FAM169A: variants seen among roughly 807,000 people sequenced by gnomAD.
FAM169A encodes the protein family with sequence similarity 169 member A, also known as soluble lamin-associated protein of 75 kDa.
Under a neutral mutation model 75.7 loss-of-function variants are expected in FAM169A, and 24 were observed. The ratio of observed to expected loss-of-function variants is 0.32; its 90% confidence interval spans 0.23 to 0.45. The LOEUF is 0.45. Among genes scored for constraint, FAM169A ranks in the 20% least tolerant of loss-of-function variants. FAM169A has a pLI of 1.00. For missense variants in FAM169A, 673 were observed against 784.0 expected (o/e 0.86, Z 1.69); for synonymous variants, 271 against 271.0 (o/e 1.00, Z 0.00).
chr5:74,786,168 A>AG (rs2112468982), intron 11 of FAM169A, among the ~76,000 whole-genome samples: 1 of 152,346 alleles, frequency 6.6e-6, no homozygotes, highest in South Asian at 2.1e-4. Context: ...CTTCAGCTTC[A>AG]GGACTCAGAC....
rs376916697 is a variant in FAM169A, at chr5:74,781,817, G to A, written c.1656C>T (p.Ser552=). The A allele has an allele frequency of 1.9e-5, 30 of 1,613,884 alleles. No individual in the cohort carries two copies. The highest frequency in any genetic ancestry group is 6.7e-5 in the African/African-American group (5 of 74,902). ...ACAAATTCTCAGAGACCGGTTCTTC[G>A]GAAAATTCAGCTATCACAGAGTTTG... ...GFPNSVIAEF[S]EEPVSENLSP... Residue 552 remains serine, a synonymous_variant, in exon 13 of 13, where the codon TCC becomes TCT. Transcript: ENST00000687041.
chr5:74,857,571 G>GAACAA (rs1561328873), intron 1 of FAM169A, among the ~76,000 whole-genome samples: 1 of 65,722 alleles, frequency 1.5e-5, no homozygotes, highest in Non-Finnish European at 2.9e-5. Context: ...CCTTGCCGCG[G>GAACAA]GAAAAAAAAA....
chr5:74,784,923 A>AG (rs1745618719), intron 11 of FAM169A, among the ~76,000 whole-genome samples: 1 of 150,374 alleles, frequency 6.7e-6, no homozygotes, highest in Non-Finnish European at 1.5e-5. Context: ...CGTCTCAAAA[A>AG]AAAAAAAAAA....
intron 5 of FAM169A, among the ~76,000 whole-genome samples, chr5:74,832,088 T>TA (rs577745490): frequency 4.1e-4 from 63 of 152,184 alleles, no homozygotes; most frequent in African/African-American, 1.4e-3. Context: ...AACACTAATT[T>TA]AAAAATTTTT....
chr5:74,800,186 T>C lies in FAM169A; in HGVS notation c.1103+694A>G, dbSNP rs1449439819. On this transcript the variant is annotated intron_variant, in intron 10 of 12. Transcript: ENST00000687041. ...CCCAAGGAAACACTGAAAACACATA[T>C]CACGCCAATATCATGTGGTTTTGTT... The C allele has an allele frequency of 3.5e-5, 13 of 368,692 alleles. No individual in the cohort carries two copies. In the East Asian group the frequency reaches 6.8e-4, roughly 19 times the overall value. 22.8% of individuals were successfully genotyped at this position (368,692 alleles called of 1,614,324 possible).
At chr5:74,851,427 G>A (rs1749439714) in intron 1 of FAM169A, among the ~76,000 whole-genome samples, 1 of 152,164 alleles carries the variant, frequency 6.6e-6, no homozygotes, top group Admixed American at 6.5e-5. Context: ...TTTCAAAGGT[G>A]CTCAACAGTT....
chr5:74,816,368 T>C (rs953701558), intron 5 of FAM169A, among the ~76,000 whole-genome samples: 3 of 152,206 alleles, frequency 2.0e-5, no homozygotes, highest in African/African-American at 4.8e-5. Flanking sequence ...AAGTTTCTCA[T>C]AAATTGATTT....
At chr5:74,841,986 CAT>C (rs1169640627) in intron 1 of FAM169A, among the ~76,000 whole-genome samples, 1 of 151,890 alleles carries the variant, frequency 6.6e-6, no homozygotes, top group African/African-American at 2.4e-5. Flanking sequence ...CAAAAATACA[CAT>C]ATAAATATAC....
At chr5:74,799,155 C>G (rs1384416045) in intron 10 of FAM169A, 20 of 1,040,606 alleles carry the variant, frequency 1.9e-5, no homozygotes, top group Non-Finnish European at 2.7e-5. Context: ...ACAATGGACA[C>G]ATCACAGATA....
chr5:74,791,026 C>CA (rs1745948618), intron 11 of FAM169A, among the ~76,000 whole-genome samples: 1 of 152,184 alleles, frequency 6.6e-6, no homozygotes, highest in African/African-American at 2.4e-5. Context: ...CATGCTACTC[C>CA]ACACAGCATT....
In FAM169A at chr5:74,781,588, C is replaced by T. The variant is rs369288865; in HGVS notation, c.1885G>A (p.Ala629Thr). 21 of 1,614,076 alleles carry T rather than the reference C, an allele frequency of 1.3e-5. No individual in the cohort carries two copies. The highest frequency in any genetic ancestry group is 1.8e-5 in the Non-Finnish European group (21 of 1,180,040). ...GAGCTGCTATCCACAGCTTTTTCTG[C>T]CGATTGTGTAAACTGATCCAGTTGC... is the stretch of plus-strand genomic sequence containing the variant. ...SEQLDQFTQS[A>T]EKAVDSSSEE... The change falls in exon 13 of 13, where the codon GCA (alanine) becomes ACA (threonine). Residue 629 changes from alanine (A) to threonine (T), a missense_variant. This residue lies in a region of FAM169A where 510 missense variants were observed against 550.9 expected (regional missense o/e 0.93). Transcript: ENST00000687041.
At chr5:74,866,423 G>C (rs1425608316), upstream of FAM169A, 4 of 960,822 alleles carry the variant, frequency 4.2e-6, no homozygotes, top group Non-Finnish European at 3.7e-6. Flanking sequence ...CTTCCGCTCC[G>C]CGCCCGCGCC....
intron 6 of FAM169A, 129 bp downstream of exon 6, chr5:74,813,711 G>GT: frequency 1.8e-6 from 1 of 552,376 alleles, no homozygotes; most frequent in Non-Finnish European, 2.9e-6. Flanking sequence ...ATTTGCCAAA[G>GT]TAAGTTCTAG....
At chr5:74,797,032 T>C (rs1449633039) in intron 10 of FAM169A, among the ~76,000 whole-genome samples, 1 of 152,214 alleles carries the variant, frequency 6.6e-6, no homozygotes, top group Non-Finnish European at 1.5e-5. Flanking sequence ...AGACTTGTAG[T>C]ACATCTTCAT....
rs35476827 is a variant in FAM169A, at chr5:74,857,572, GAAAAAAAAAAAAAAAAAAA to G, written c.-4+8574_-4+8592del. Among the ~76,000 whole-genome samples the G allele has an allele frequency of 1.5e-3, 83 of 56,316 alleles. No homozygotes were observed. In the South Asian group the frequency reaches 0.027, roughly 18 times the overall value. The allele number at this position is 56,316 out of a possible 152,430, so 36.9% of individuals were successfully genotyped here. A position where few individuals can be genotyped will look rare whatever the true frequency, so the allele number is the denominator to read the frequency against. ...GTGACAGAGCCAGACCTTGCCGCGG[GAAAAAAAAAAAAAAAAAAA>G]AAAAAAAAAAAAACTTCCCTTAAAA... On this transcript the variant is annotated intron_variant, in intron 1 of 12. Transcript: ENST00000687041.
chr5:74,818,948 G>A (rs1042139197), intron 5 of FAM169A, among the ~76,000 whole-genome samples: 34 of 152,228 alleles, frequency 2.2e-4, no homozygotes, highest in Admixed American at 2.2e-3. Flanking sequence ...GGCTAGGCGC[G>A]GAGGCTCACG....
intron 1 of FAM169A, among the ~76,000 whole-genome samples, chr5:74,844,289 C>T (rs1211296658): frequency 2.0e-5 from 3 of 151,692 alleles, no homozygotes; most frequent in Non-Finnish European, 4.4e-5. Flanking sequence ...ACAGTGAGAC[C>T]TTGGCTCTAC....
intron 6 of FAM169A, among the ~76,000 whole-genome samples, chr5:74,805,659 T>TC (rs1279667090): frequency 6.6e-6 from 1 of 151,116 alleles, no homozygotes; most frequent in Non-Finnish European, 1.5e-5. Flanking sequence ...GTCTCCTGAG[T>TC]AGCTGGGATT....
chr5:74,856,155 G>A (rs959349204), intron 1 of FAM169A, among the ~76,000 whole-genome samples: 4 of 152,112 alleles, frequency 2.6e-5, no homozygotes, highest in East Asian at 1.9e-4. Flanking sequence ...CTGTTTTTAC[G>A]CTGGTACCAT....
Sources: gnomAD v4.1 joint callset for allele counts (sites outside exome capture counted in the v4.1 genomes callset) on GRCh38, gnomAD v4.1.1 for gene constraint, gnomAD v4.1.1 regional missense constraint, MANE v1.5 for transcripts, NCBI Gene and HGNC (gene_info 2026-07-23, HGNC 2026-07-21) for gene names.